Variants in RBFOX1 observed in about 807,000 individuals in gnomAD.
RBFOX1 encodes the protein RNA binding fox-1 homolog 1.
RBFOX1 carries 8 observed loss-of-function variants against 57.7 expected under a neutral mutation model. The observed-to-expected ratio is 0.14, with a 90% CI of 0.08 to 0.25. RBFOX1 has a LOEUF of 0.25. Ranked by LOEUF, RBFOX1 falls within the 10% of genes least tolerant of loss-of-function variation. RBFOX1 has a pLI of 1.00. For synonymous variants in RBFOX1, 326 were observed against 222.4 expected (o/e 1.47, Z -4.15); for missense variants, 611 against 548.5 (o/e 1.11, Z -1.14).
rs545672624 is a variant in RBFOX1, at chr16:5,863,011, A to G, written c.319-4292A>G. Among the ~76,000 whole-genome samples the G allele has an allele frequency of 2.6e-5, 4 of 152,260 alleles. No homozygotes were observed. In the East Asian group the frequency reaches 7.7e-4, roughly 29 times the overall value. On this transcript the variant is annotated intron_variant, in intron 3 of 19. Transcript: ENST00000641259. ...GTCCCAGGAGGGAATCCAGGTCTCC[A>G]TCATGTGGCAGAATCCCTGCCTGGG...
At chr16:6,892,237 T>C (rs777445915) in intron 3 of RBFOX1, among the ~76,000 whole-genome samples, 8 of 152,190 alleles carry the variant, frequency 5.3e-5, no homozygotes, top group Non-Finnish European at 7.3e-5. Context: ...CCTTCAATTC[T>C]TCACATTTTT....
At chr16:5,401,932 T>A (rs2066728865) in intron 1 of RBFOX1, among the ~76,000 whole-genome samples, 1 of 152,112 alleles carries the variant, frequency 6.6e-6, no homozygotes, top group African/African-American at 2.4e-5. Context: ...GGAATAGAAT[T>A]CTCCACCCAA....
chr16:7,199,520 G>A (rs952492527), intron 4 of RBFOX1, among the ~76,000 whole-genome samples: 34 of 152,146 alleles, frequency 2.2e-4, no homozygotes, highest in Non-Finnish European at 7.4e-5. Flanking sequence ...TCATTGCTGT[G>A]TATACTCATG....
chr16:7,280,609 G>A lies in RBFOX1; in HGVS notation c.27+228511G>A, dbSNP rs116392785. Among the ~76,000 whole-genome samples, 776 of 152,238 alleles carry A rather than the reference G, an allele frequency of 5.1e-3. 11 individuals carry two copies. The highest frequency in any genetic ancestry group is 0.018 in the African/African-American group (739 of 41,544). ...ACATCTCAGTGGGGCCGCTACCTTC[G>A]GAGAGCTCCGCACATAAGGACAGAG... On this transcript the variant is annotated intron_variant, in intron 4 of 15. Coordinates refer to ENST00000550418, the MANE Select transcript of RBFOX1 (RefSeq NM_018723.4).
Position 7,712,123 on chromosome 16 carries a change from T to C in RBFOX1, c.*1378T>C, listed in dbSNP as rs960155779. 6.6e-6 allele frequency: 1 copy of C among 152,548 alleles called. No homozygotes were observed. Among genetic ancestry groups the C allele is most frequent in the African/African-American group, 2.4e-5 (1 of 41,434 alleles). 9.4% of individuals were successfully genotyped at this position (152,548 alleles called of 1,614,324 possible). A position where few individuals can be genotyped will look rare whatever the true frequency, so the allele number is the denominator to read the frequency against. ...GGGCCAGAGTGACACAGCCGAAAAA[T>C]TGCAGTTTGTCTGTACTTCTGTTTG... On this transcript the variant is annotated 3_prime_UTR_variant, in exon 16 of 16. Transcript: ENST00000550418.
At chr16:5,933,520 G>C (rs1364847936) in intron 4 of RBFOX1, among the ~76,000 whole-genome samples, 2 of 152,218 alleles carry the variant, frequency 1.3e-5, no homozygotes, top group African/African-American at 4.8e-5. Context: ...GTGAAAAACG[G>C]ATGCTCCTGC....
At chr16:6,445,893 T>A (rs2094475270) in intron 2 of RBFOX1, among the ~76,000 whole-genome samples, 1 of 152,132 alleles carries the variant, frequency 6.6e-6, no homozygotes, top group South Asian at 2.1e-4. Flanking sequence ...CTCTGAACTC[T>A]TTAAAGGTGA....
intron 4 of RBFOX1, among the ~76,000 whole-genome samples, chr16:7,207,665 A>G (rs2090269792): frequency 6.6e-6 from 1 of 152,192 alleles, no homozygotes; most frequent in African/African-American, 2.4e-5. Flanking sequence ...GAGCGGAAGA[A>G]ATGTTTTATC....
At chr16:6,599,439 C>T (rs997447550) in intron 2 of RBFOX1, among the ~76,000 whole-genome samples, 2 of 152,010 alleles carry the variant, frequency 1.3e-5, no homozygotes, top group Non-Finnish European at 2.9e-5. Flanking sequence ...GAATACTTTG[C>T]TGAAATAAGA....
At chr16:7,689,755 A>G (rs1223205683) in intron 14 of RBFOX1, among the ~76,000 whole-genome samples, 2 of 152,072 alleles carry the variant, frequency 1.3e-5, no homozygotes, top group East Asian at 3.9e-4. Flanking sequence ...TCTTGAGTAA[A>G]TGCATAAGAA....
At chr16:6,480,804 A>C (rs1168413166) in intron 2 of RBFOX1, among the ~76,000 whole-genome samples, 6 of 152,086 alleles carry the variant, frequency 3.9e-5, no homozygotes, top group Admixed American at 6.6e-5. Flanking sequence ...TATAGTGTGT[A>C]TTTTTATTTC....
chr16:5,701,060 T>A (rs1344136), intron 3 of RBFOX1, among the ~76,000 whole-genome samples: 9,059 of 152,336 alleles, frequency 0.059, 872 homozygotes, highest in African/African-American at 0.2. Flanking sequence ...TTTTCTTCTT[T>A]TAATAGCCTC....
intron 3 of RBFOX1, among the ~76,000 whole-genome samples, chr16:5,657,584 G>A (rs2049469153): frequency 6.7e-6 from 1 of 150,358 alleles, no homozygotes; most frequent in Non-Finnish European, 1.5e-5. Flanking sequence ...TTTGGTTTGA[G>A]GTCTGTAAAT....
At chr16:5,665,939 G>C (rs1292745919) in intron 3 of RBFOX1, among the ~76,000 whole-genome samples, 1 of 152,230 alleles carries the variant, frequency 6.6e-6, no homozygotes, top group Non-Finnish European at 1.5e-5. Context: ...CCTGCGTTGG[G>C]AGAGAAGCAG....
chr16:7,569,044 T>C (rs1302204988), intron 5 of RBFOX1, among the ~76,000 whole-genome samples: 1 of 152,154 alleles, frequency 6.6e-6, no homozygotes, highest in Non-Finnish European at 1.5e-5. Context: ...ACTTTCTTTC[T>C]CTACTTTCCT....
At chr16:6,634,220 C>G (rs1189714523) in intron 2 of RBFOX1, among the ~76,000 whole-genome samples, 1 of 152,156 alleles carries the variant, frequency 6.6e-6, no homozygotes, top group East Asian at 1.9e-4. Flanking sequence ...TGCTCATTCA[C>G]TCTTCCATTA....
intron 5 of RBFOX1, among the ~76,000 whole-genome samples, chr16:7,550,585 C>G (rs1012216324): frequency 6.6e-6 from 1 of 152,098 alleles, no homozygotes; most frequent in Non-Finnish European, 1.5e-5. Flanking sequence ...TTCATATTAA[C>G]AAACAGTGCT....
chr16:7,124,593 TTG>T (rs2068016958), intron 4 of RBFOX1, among the ~76,000 whole-genome samples: 2 of 140,578 alleles, frequency 1.4e-5, no homozygotes, highest in African/African-American at 2.6e-5. Flanking sequence ...CTGTAATAAG[TTG>T]TGAGTTTTCT....
At chr16:5,523,161 C>A (rs2151748526) in intron 2 of RBFOX1, among the ~76,000 whole-genome samples, 2 of 152,240 alleles carry the variant, frequency 1.3e-5, no homozygotes, top group East Asian at 3.9e-4. Context: ...TGGTGCATGC[C>A]TGTAATTCCA....
Sources: allele counts gnomAD v4.1 joint callset (sites outside exome capture counted in the v4.1 genomes callset), GRCh38; gene constraint gnomAD v4.1.1; transcripts MANE v1.5; gene names NCBI Gene and HGNC (gene_info 2026-07-23, HGNC 2026-07-21).